The following TBK1 variants were observed in gnomAD, a reference collection of about 807,000 sequenced individuals.
TBK1 encodes serine/threonine-protein kinase TBK1.
A neutral mutation model predicts 99.9 loss-of-function variants in TBK1; 37 were observed. That is an observed-to-expected ratio of 0.37 (90% CI 0.28 to 0.49). The LOEUF (loss-of-function observed/expected upper bound fraction) is 0.49. Ranked by LOEUF, TBK1 falls within the 20% of genes least tolerant of loss-of-function variation. The probability of loss-of-function intolerance (pLI) is 0.98; values close to 1 mark genes in which losing one functional copy is unlikely to be tolerated. For synonymous variants in TBK1, 258 were observed against 279.8 expected (o/e 0.92, Z 0.78); for missense variants, 644 against 872.5 (o/e 0.74, Z 3.30).
chr12:64,500,997 G>A (rs1326401599), intron 20 of TBK1, among the ~76,000 whole-genome samples: 1 of 152,054 alleles, frequency 6.6e-6, no homozygotes, highest in Non-Finnish European at 1.5e-5. Context: ...GACCTCAAGT[G>A]ATCTGCCTGC....
At chr12:64,476,083 A>G (rs1017023119) in intron 6 of TBK1, among the ~76,000 whole-genome samples, 2 of 148,256 alleles carry the variant, frequency 1.3e-5, no homozygotes, top group Non-Finnish European at 3.0e-5. Context: ...ATCTCATTGC[A>G]GTTTTGATTT....
At chr12:64,485,154 T>C (rs1322999007) in intron 9 of TBK1, among the ~76,000 whole-genome samples, 2 of 151,984 alleles carry the variant, frequency 1.3e-5, no homozygotes, top group Non-Finnish European at 2.9e-5. Flanking sequence ...GAAAAAAAAA[T>C]GGATCACCCA....
At chr12:64,480,162 G>A (rs919813068) in intron 7 of TBK1, 40 bp downstream of exon 7, 3 of 1,493,866 alleles carry the variant, frequency 2.0e-6, no homozygotes, top group East Asian at 2.3e-5. Flanking sequence ...TTGCACTTTG[G>A]TGTTTGAAAT....
At chr12:64,463,489 A>T (rs192067833) in intron 3 of TBK1, among the ~76,000 whole-genome samples, 1 of 152,170 alleles carries the variant, frequency 6.6e-6, no homozygotes, top group Non-Finnish European at 1.5e-5. Flanking sequence ...GCTTGAGCCC[A>T]GAAATTCGAG....
chr12:64,468,426 G>A (rs924467283), intron 5 of TBK1, among the ~76,000 whole-genome samples: 1 of 151,846 alleles, frequency 6.6e-6, no homozygotes, highest in Non-Finnish European at 1.5e-5. Context: ...GGGAGGTGGA[G>A]GTTTCAGTGA....
chr12:64,490,744 C>T (rs1238340231), intron 13 of TBK1, among the ~76,000 whole-genome samples: 1 of 151,946 alleles, frequency 6.6e-6, no homozygotes, highest in Non-Finnish European at 1.5e-5. Flanking sequence ...TTGAGACCAG[C>T]CTGGCCAACA....
intron 3 of TBK1, 149 bp from the exon 4 acceptor site, chr12:64,464,185 G>A (rs1592356256): frequency 1.9e-6 from 1 of 526,808 alleles, no homozygotes; most frequent in Non-Finnish European, 3.2e-6. Context: ...TCTTATATGT[G>A]TATGTTCAAC....
At chr12:64,498,955 C>CAA (rs200634833) in intron 20 of TBK1, among the ~76,000 whole-genome samples, 16 of 104,648 alleles carry the variant, frequency 1.5e-4, no homozygotes, top group East Asian at 5.5e-4. Flanking sequence ...GACCCTGTTT[C>CAA]AAAAAAAAAA....
intron 20 of TBK1, among the ~76,000 whole-genome samples, chr12:64,498,797 A>G (rs1301761815): frequency 6.6e-6 from 1 of 151,890 alleles, no homozygotes; most frequent in Non-Finnish European, 1.5e-5. Flanking sequence ...CTCTACCAAA[A>G]ATACAAAAAT....
At chr12:64,453,198 G>C (rs1237549421) in intron 1 of TBK1, among the ~76,000 whole-genome samples, 1 of 152,308 alleles carries the variant, frequency 6.6e-6, no homozygotes, top group Non-Finnish European at 1.5e-5. Flanking sequence ...AATTTCAAAA[G>C]ACATTTCCCC....
chr12:64,456,947 C>A (rs2040495903), intron 2 of TBK1, among the ~76,000 whole-genome samples: 1 of 151,540 alleles, frequency 6.6e-6, no homozygotes, highest in Admixed American at 6.6e-5. Context: ...ACTTTCTATT[C>A]TGGGAAAAAG....
chr12:64,479,330 C>T (rs1011953663), intron 6 of TBK1, among the ~76,000 whole-genome samples: 2 of 152,188 alleles, frequency 1.3e-5, no homozygotes, highest in Non-Finnish European at 2.9e-5. Context: ...ATGAACACAC[C>T]TTATTTTTCA....
At chr12:64,477,886 G>A (rs569303720) in intron 6 of TBK1, among the ~76,000 whole-genome samples, 174 of 152,010 alleles carry the variant, frequency 1.1e-3, no homozygotes, top group African/African-American at 4.0e-3. Context: ...GTCATTTTTT[G>A]TAAGCCAAGG....
intron 12 of TBK1, 41 bp from the exon 13 acceptor site, chr12:64,490,000 G>A: frequency 8.1e-7 from 1 of 1,239,504 alleles, no homozygotes; most frequent in Non-Finnish European, 1.2e-6. Context: ...ACTATGTATT[G>A]ATTATACTCA....
chr12:64,458,110 CACACACACACAT>C (rs1298068532), intron 2 of TBK1, among the ~76,000 whole-genome samples: 1 of 151,726 alleles, frequency 6.6e-6, no homozygotes, highest in Non-Finnish European at 1.5e-5. Flanking sequence ...CACACACACA[CACACACACACAT>C]ACACACACGA....
intron 5 of TBK1, 28 bp downstream of exon 5, chr12:64,467,110 T>A: frequency 6.7e-7 from 1 of 1,502,380 alleles, no homozygotes; most frequent in Non-Finnish European, 9.0e-7. Context: ...AATATTTTCA[T>A]TTAAAGAAGC....
In TBK1 at chr12:64,484,471, G is replaced by C; in HGVS notation, c.1161G>C (p.Leu387=). 1 of 1,611,928 alleles carries C rather than the reference G, an allele frequency of 6.2e-7. No homozygotes were observed. The highest frequency in any genetic ancestry group is 8.5e-7 in the Non-Finnish European group (1 of 1,179,410). Residue 387 remains leucine, a synonymous_variant, in exon 9 of 21, where the codon CTG becomes CTC. Transcript: ENST00000331710. ...TATTTGTAGTAAGCCGGGAACCTCT[G>C]AATACCATAGGATTAATATATGAAA... is the stretch of plus-strand genomic sequence containing the variant. The part of the protein sequence containing the change: ...NPIFVVSREP[L]NTIGLIYEKI...
chr12:64,466,490 A>AT (rs1004510555), intron 4 of TBK1, among the ~76,000 whole-genome samples: 1 of 151,778 alleles, frequency 6.6e-6, no homozygotes, highest in Non-Finnish European at 1.5e-5. Flanking sequence ...CTTTTAGGGA[A>AT]TTTTTTTTCC....
intron 11 of TBK1, among the ~76,000 whole-genome samples, chr12:64,487,673 A>G (rs1481168757): frequency 6.6e-6 from 1 of 152,228 alleles, no homozygotes; most frequent in Non-Finnish European, 1.5e-5. Context: ...ATGAGAAAAT[A>G]GTTTTAATGT....
Sources: allele counts gnomAD v4.1 joint callset (sites outside exome capture counted in the v4.1 genomes callset), GRCh38; gene constraint gnomAD v4.1.1; transcripts MANE v1.5; gene names NCBI Gene and HGNC (gene_info 2026-07-23, HGNC 2026-07-21).